The following ALK variants were observed in gnomAD, a reference collection of about 807,000 sequenced individuals.
ALK encodes the protein ALK receptor tyrosine kinase, also known as ALK tyrosine kinase receptor.
ALK carries 74 observed loss-of-function variants against 163.1 expected under a neutral mutation model. The ratio of observed to expected loss-of-function variants is 0.45; its 90% CI spans 0.38 to 0.55. ALK has a LOEUF of 0.55. Ranked by LOEUF, ALK falls within the 20% of genes least tolerant of loss-of-function variation. ALK has a pLI of 0.00. For synonymous variants in ALK, 960 were observed against 843.2 expected, an observed-to-expected ratio of 1.14 and a Z score of -2.40; for missense variants, 2,063 against 2,105.3, an observed-to-expected ratio of 0.98 and a Z score of 0.39.
At chr2:29,212,646 T>C (rs116371364) in intron 24 of ALK, among the ~76,000 whole-genome samples, 1 of 152,236 alleles carries the variant, frequency 6.6e-6, no homozygotes, top group Non-Finnish European at 1.5e-5. Flanking sequence ...CATTTCCCCA[T>C]TTTTATTAGG....
intron 3 of ALK, among the ~76,000 whole-genome samples, chr2:29,662,463 C>T (rs182542232): frequency 6.6e-6 from 1 of 152,264 alleles, no homozygotes; most frequent in African/African-American, 2.4e-5. Flanking sequence ...TTGGCCCCTT[C>T]CTTAAGTTTC....
rs878854653 is a variant in ALK at position 29,920,539 on chromosome 2, G to T, written c.121C>A (p.Arg41=). The change falls in exon 1 of 29, where the codon CGG becomes AGG. Residue 41 remains arginine (R), a synonymous_variant. Transcript: ENST00000389048. The part of the protein sequence containing the change: ...SPAAGPPLQP[R]EPLSYSRLQR... ...AGGCGCGAGTAGCTGAGTGGCTCCC[G>T]GGGCTGCAGCGGCGGCCCCGCAGCT... is the stretch of plus-strand genomic sequence containing the variant. 1 of 1,608,404 alleles carries T rather than the reference G, an allele frequency of 6.2e-7. No homozygotes were observed.
chr2:29,244,724 A>T (rs1212153563), intron 12 of ALK, among the ~76,000 whole-genome samples: 1 of 152,218 alleles, frequency 6.6e-6, no homozygotes. Context: ...CAGCCCATCC[A>T]TCTTTTCCTA....
At chr2:29,697,429 T>C (rs936764783) in intron 2 of ALK, among the ~76,000 whole-genome samples, 1 of 152,196 alleles carries the variant, frequency 6.6e-6, no homozygotes, top group African/African-American at 2.4e-5. Context: ...TTCTGTCCAA[T>C]GATTCCACGT....
intron 4 of ALK, among the ~76,000 whole-genome samples, chr2:29,401,698 G>A (rs554095507): frequency 1.2e-4 from 19 of 152,210 alleles, no homozygotes; most frequent in African/African-American, 3.9e-4. Context: ...CCTGTCTAGC[G>A]CCTCCCACGC....
intron 1 of ALK, among the ~76,000 whole-genome samples, chr2:29,821,830 A>G (rs920951607): frequency 6.6e-6 from 1 of 152,128 alleles, no homozygotes; most frequent in Non-Finnish European, 1.5e-5. Context: ...TGGAAAATCA[A>G]TCTTGTCTGA....
intron 23 of ALK, among the ~76,000 whole-genome samples, chr2:29,215,427 G>A (rs946233630): frequency 6.6e-6 from 1 of 152,186 alleles, no homozygotes; most frequent in East Asian, 1.9e-4. Flanking sequence ...ACTGAGAGTG[G>A]ATAGTTCCCC....
At chr2:29,261,145 A>G (rs980529014) in intron 11 of ALK, among the ~76,000 whole-genome samples, 1 of 152,098 alleles carries the variant, frequency 6.6e-6, no homozygotes, top group African/African-American at 2.4e-5. Context: ...TGTAATTTCT[A>G]GCAACTATCT....
chr2:29,349,299 G>T (rs991598425), intron 5 of ALK, among the ~76,000 whole-genome samples: 12 of 152,288 alleles, frequency 7.9e-5, no homozygotes, highest in South Asian at 2.1e-4. Flanking sequence ...GCTCTGACTG[G>T]TGTTCTTGAC....
At chr2:29,880,203 G>A (rs1326942538) in intron 1 of ALK, among the ~76,000 whole-genome samples, 1 of 152,168 alleles carries the variant, frequency 6.6e-6, no homozygotes, top group African/African-American at 2.4e-5. Flanking sequence ...TGCCTTGGGA[G>A]GCAGTCTCCT....
At chr2:29,824,596 T>A (rs1230403835) in intron 1 of ALK, among the ~76,000 whole-genome samples, 1 of 152,232 alleles carries the variant, frequency 6.6e-6, no homozygotes, top group Non-Finnish European at 1.5e-5. Context: ...TTTTGGAGAT[T>A]TAAGATTTGA....
At chr2:29,357,256 G>T (rs1257445684) in intron 5 of ALK, among the ~76,000 whole-genome samples, 1 of 152,168 alleles carries the variant, frequency 6.6e-6, no homozygotes, top group Non-Finnish European at 1.5e-5. Flanking sequence ...GATTAGTGGT[G>T]ACAATGCAGA....
chr2:29,626,119 T>C (rs927347072), intron 3 of ALK, among the ~76,000 whole-genome samples: 4 of 152,174 alleles, frequency 2.6e-5, no homozygotes, highest in Non-Finnish European at 4.4e-5. Flanking sequence ...GCTGTGTCCC[T>C]CAAATTCAAA....
intron 4 of ALK, among the ~76,000 whole-genome samples, chr2:29,492,147 G>T (rs1671918231): frequency 6.6e-6 from 1 of 152,054 alleles, no homozygotes; most frequent in Non-Finnish European, 1.5e-5. Context: ...ACCAATTACA[G>T]TATTGTAGGG....
intron 4 of ALK, among the ~76,000 whole-genome samples, chr2:29,495,763 T>C (rs1055938120): frequency 2.0e-5 from 3 of 152,206 alleles, no homozygotes; most frequent in Non-Finnish European, 2.9e-5. Flanking sequence ...ATGTAGAACA[T>C]TGACCCAGAT....
At chr2:29,874,523 C>T (rs974382994) in intron 1 of ALK, among the ~76,000 whole-genome samples, 3 of 152,168 alleles carry the variant, frequency 2.0e-5, no homozygotes, top group Non-Finnish European at 4.4e-5. Context: ...GACAGGACCT[C>T]CCGGCCCACA....
intron 6 of ALK, among the ~76,000 whole-genome samples, chr2:29,324,707 A>T (rs989973221): frequency 2.0e-5 from 3 of 152,190 alleles, no homozygotes; most frequent in African/African-American, 7.2e-5. Context: ...CATCGAGGCC[A>T]TTGGTCAGAA....
At chr2:29,546,890 T>C (rs970409605) in intron 3 of ALK, among the ~76,000 whole-genome samples, 6 of 152,214 alleles carry the variant, frequency 3.9e-5, no homozygotes, top group South Asian at 2.1e-4. Context: ...GGTTCTCAGA[T>C]ACCCGCTGCT....
At chr2:29,552,706 C>A (rs963653958) in intron 3 of ALK, among the ~76,000 whole-genome samples, 1 of 152,158 alleles carries the variant, frequency 6.6e-6, no homozygotes, top group African/African-American at 2.4e-5. Flanking sequence ...GGGTTGTTTG[C>A]TTTTATCTGT....
Sources: allele counts gnomAD v4.1 joint callset (sites outside exome capture counted in the v4.1 genomes callset), GRCh38; gene constraint gnomAD v4.1.1; transcripts MANE v1.5; gene names NCBI Gene and HGNC (gene_info 2026-07-23, HGNC 2026-07-21).